OR6J1: variants seen among roughly 807,000 people sequenced by gnomAD.
OR6J1 encodes olfactory receptor 6J1.
For missense variants in OR6J1, 304 were observed against 166.8 expected, an observed-to-expected ratio of 1.82 and a Z score of -4.53; for synonymous variants, 109 against 70.0, an observed-to-expected ratio of 1.56 and a Z score of -2.78.
rs746466285 is a variant in OR6J1 at position 22,644,144 on chromosome 14, C to T, written c.-74G>A. The T allele has an allele frequency of 3.7e-4, 57 of 152,454 alleles. No individual in the cohort carries two copies. The highest frequency in any genetic ancestry group is 7.0e-4 in the Non-Finnish European group (48 of 68,168). 9.4% of individuals were successfully genotyped at this position (152,454 alleles called of 1,614,324 possible). On this transcript the variant is annotated 5_prime_UTR_variant, in exon 1 of 2. It adds an upstream start codon to the 5' untranslated region. Transcript: ENST00000540461. The stretch of plus-strand genomic sequence containing the variant: ...CCACCTCCACGGCTCAGTCTGTTCA[C>T]CTGGGATTTGCTGCCACCTAGGATC...
At chr14:22,641,937 A>G (rs2139299102) in intron 1 of OR6J1, among the ~76,000 whole-genome samples, 1 of 152,324 alleles carries the variant, frequency 6.6e-6, no homozygotes, top group East Asian at 1.9e-4. Context: ...TCTGGATAGC[A>G]GAGGCCACGT....
intron 1 of OR6J1, among the ~76,000 whole-genome samples, chr14:22,636,172 A>G (rs1353689760): frequency 2.0e-5 from 3 of 151,358 alleles, no homozygotes; most frequent in Non-Finnish European, 2.9e-5. Flanking sequence ...TAAATGTACA[A>G]AAAGATGCTT....
chr14:22,640,539 G>A (rs2037638262), intron 1 of OR6J1, among the ~76,000 whole-genome samples: 1 of 133,780 alleles, frequency 7.5e-6, no homozygotes, highest in East Asian at 2.1e-4. Flanking sequence ...CACCCAGGCT[G>A]GAGTGCAGTA....
intron 1 of OR6J1, among the ~76,000 whole-genome samples, chr14:22,639,370 A>G (rs1483778219): frequency 7.9e-6 from 1 of 127,192 alleles, no homozygotes; most frequent in Non-Finnish European, 1.6e-5. Context: ...TGGGGGGGTC[A>G]GCCCCCCGCC....
At chr14:22,638,758 G>A (rs1296853404) in intron 1 of OR6J1, among the ~76,000 whole-genome samples, 1 of 152,160 alleles carries the variant, frequency 6.6e-6, no homozygotes, top group Admixed American at 6.5e-5. Flanking sequence ...AACAAGTGTT[G>A]ACGAGGATGT....
intron 1 of OR6J1, among the ~76,000 whole-genome samples, chr14:22,643,378 C>G (rs2037665366): frequency 6.6e-6 from 1 of 151,928 alleles, no homozygotes; most frequent in African/African-American, 2.4e-5. Flanking sequence ...TCACTACATC[C>G]TCGACCTCCC....
intron 1 of OR6J1, among the ~76,000 whole-genome samples, chr14:22,642,860 T>A (rs1475453600): frequency 6.6e-6 from 1 of 152,112 alleles, no homozygotes; most frequent in African/African-American, 2.4e-5. Context: ...TGTAGTGCAG[T>A]GGCATGAAGA....
intron 1 of OR6J1, among the ~76,000 whole-genome samples, chr14:22,635,182 A>C (rs191385059): frequency 8.0e-4 from 122 of 152,348 alleles, no homozygotes; most frequent in Non-Finnish European, 1.8e-4. Flanking sequence ...GGATATGTTA[A>C]AAAGATTTTG....
chr14:22,641,049 G>T (rs1017253853), intron 1 of OR6J1, among the ~76,000 whole-genome samples: 1 of 150,826 alleles, frequency 6.6e-6, no homozygotes, highest in African/African-American at 2.4e-5. Flanking sequence ...TGCAGCTGTT[G>T]TCCCAGCTAC....
Position 22,637,146 on chromosome 14 carries a change from G to C in OR6J1, c.-27-2308C>G, listed in dbSNP as rs1479462150. Among the ~76,000 whole-genome samples, 3 of 109,994 alleles carry C rather than the reference G, an allele frequency of 2.7e-5. 1 individual carries two copies. Among genetic ancestry groups the C allele is most frequent in the Admixed American group, 2.4e-4 (3 of 12,744 alleles). 72.2% of individuals were successfully genotyped at this position (109,994 alleles called of 152,430 possible). ...AGGAGCGTCTCTGCCCGGCCGCCCT[G>C]TCTGAGAAGTGAGGAAACCCTCTGC... On this transcript the variant is annotated intron_variant, in intron 1 of 1. Coordinates refer to ENST00000540461, the MANE Select transcript of OR6J1 (RefSeq NM_001348233.2).
intron 1 of OR6J1, among the ~76,000 whole-genome samples, chr14:22,643,610 A>G (rs906616357): frequency 6.6e-6 from 1 of 151,948 alleles, no homozygotes; most frequent in East Asian, 1.9e-4. Flanking sequence ...GTAAAGGTTC[A>G]TCTATGTTAT....
chr14:22,643,758 C>CAGAGAGAGAG (rs1235103171), intron 1 of OR6J1, among the ~76,000 whole-genome samples: 196 of 60,552 alleles, frequency 3.2e-3, no homozygotes, highest in East Asian at 9.4e-3. Flanking sequence ...CACACACACA[C>CAGAGAGAGAG]ACACACAGAG....
At chr14:22,636,226 C>CAAAAATATGA (rs1566394979) in intron 1 of OR6J1, among the ~76,000 whole-genome samples, 9 of 718 alleles carry the variant, frequency 0.013, no homozygotes, top group South Asian at 0.062. Flanking sequence ...GACACTAGCG[C>CAAAAATATGA]CCTCTCCCTC....
At chr14:22,639,137 G>C (rs1292515312) in intron 1 of OR6J1, among the ~76,000 whole-genome samples, 2 of 97,144 alleles carry the variant, frequency 2.1e-5, no homozygotes, top group African/African-American at 1.4e-4. Context: ...CAGCTGCCCC[G>C]TCTGAGAAGT....
chr14:22,639,000 C>T (rs1435347649), intron 1 of OR6J1, among the ~76,000 whole-genome samples: 9 of 115,846 alleles, frequency 7.8e-5, no homozygotes, highest in Admixed American at 1.5e-4. Flanking sequence ...TGAGGAGCGC[C>T]TCTGCCCGGC....
chr14:22,634,626 CAAG>C lies in OR6J1; in HGVS notation c.183_185del (p.Phe61del). ...GGATGTCCAGGATAGAGAGGTTGCACAAGAAGAAGTACATGGGGGTGTGGAGGC... is the reference window on the plus strand; with the variant it reads ...GGATGTCCAGGATAGAGAGGTTGCACAAGAAGTACATGGGGGTGTGGAGGC... On this transcript the variant is annotated inframe_deletion, in exon 2 of 2. Transcript: ENST00000540461. 2 of 739,308 alleles carry C rather than the reference CAAG, an allele frequency of 2.7e-6. No homozygotes were observed. Among genetic ancestry groups the C allele is most frequent in the Non-Finnish European group, 2.5e-6 (1 of 400,794 alleles). 45.8% of individuals were successfully genotyped at this position (739,308 alleles called of 1,614,324 possible).
At chr14:22,641,300 CAG>C (rs1566397699) in intron 1 of OR6J1, among the ~76,000 whole-genome samples, 1 of 44,060 alleles carries the variant, frequency 2.3e-5, no homozygotes, top group Admixed American at 2.0e-4. Context: ...GAAAGAGAGA[CAG>C]AGAGGAAAGA....
At chr14:22,635,136 T>A (rs2037574949) in intron 1 of OR6J1, among the ~76,000 whole-genome samples, 1 of 152,184 alleles carries the variant, frequency 6.6e-6, no homozygotes, top group Non-Finnish European at 1.5e-5. Flanking sequence ...ATTCTTAGAT[T>A]TGGAAATTGT....
At chr14:22,641,210 TA>T (rs1163938326) in intron 1 of OR6J1, among the ~76,000 whole-genome samples, 7 of 122,588 alleles carry the variant, frequency 5.7e-5, no homozygotes, top group East Asian at 2.3e-4. Flanking sequence ...GAGAGAAAGA[TA>T]AGAAAGAAAG....
Sources: allele counts gnomAD v4.1 joint callset (sites outside exome capture counted in the v4.1 genomes callset), GRCh38; gene constraint gnomAD v4.1.1; transcripts MANE v1.5; gene names NCBI Gene and HGNC (gene_info 2026-07-23, HGNC 2026-07-21).